The following RNF207 variants were observed in gnomAD, a reference collection of about 807,000 sequenced individuals.
The protein encoded by RNF207 is OTTHUMG00000001089.
A neutral mutation model predicts 79.0 loss-of-function variants in RNF207; 72 were observed. The ratio of observed to expected loss-of-function variants is 0.91; its 90% CI spans 0.75 to 1.11. RNF207 has a LOEUF of 1.11. RNF207 is among the 50% of genes least tolerant of loss of function. RNF207 has a pLI of 0.00. For missense variants in RNF207, 936 were observed against 855.8 expected (o/e 1.09, Z -1.17); for synonymous variants, 348 against 366.2 (o/e 0.95, Z 0.57).
In RNF207 at chr1:6,210,363, C is replaced by T. The variant is rs761843305; in HGVS notation, c.874-7C>T. The T allele has an allele frequency of 3.1e-6, 5 of 1,611,792 alleles. No individual in the cohort carries two copies. The highest frequency in any genetic ancestry group is 4.2e-6 in the Non-Finnish European group (5 of 1,179,532). On this transcript the variant is annotated splice_region_variant and splice_polypyrimidine_tract_variant and intron_variant, in intron 9 of 17. Coordinates refer to ENST00000377939, the MANE Select transcript of RNF207 (RefSeq NM_207396.3). ...GGCCAGGCACTGAGCAGCATCCCCT[C>T]CCCCAGGTCCACCTGGTCATCTGCT...
chr1:6,210,798 C>T, intron 10 of RNF207, 72 bp from the exon 11 acceptor site: 2 of 1,345,354 alleles, frequency 1.5e-6, no homozygotes, highest in Non-Finnish European at 2.1e-6. Flanking sequence ...ACGTGCTCCG[C>T]CTCCATCTCC....
Position 6,207,401 on chromosome 1 carries a change from C to T in RNF207, c.214C>T (p.Pro72Ser), listed in dbSNP as rs202240787. Reference protein sequence around the residue: ...LCQHQTVLKGPSGLPPVDRLL... With the variant: ...LCQHQTVLKGSSGLPPVDRLL... ...CAGACACCAGACGGTGCTGAAGGGT[C>T]CCAGCGGGCTCCCGCCGGTGGACCG... The change falls in exon 3 of 18, where the codon CCC becomes TCC. Residue 72 changes from proline to serine, a missense_variant. Physicochemically the swap from Pro to Ser is moderately conservative, Grantham distance 74. Transcript: ENST00000377939. This position sits in a 1 kb window ranked among gnomAD's most constrained non-coding sequence, Gnocchi z 4.5. The T allele has an allele frequency of 2.5e-5, 39 of 1,545,408 alleles. No homozygotes were observed. The East Asian group carries it at 7.2e-4, about 29-fold the overall frequency.
intron 16 of RNF207, among the ~76,000 whole-genome samples, chr1:6,215,661 G>A (rs906914934): frequency 3.3e-5 from 5 of 151,652 alleles, no homozygotes; most frequent in Non-Finnish European, 7.4e-5. Flanking sequence ...CTTTTTGCTT[G>A]TGAAGGTCTT....
At position 6,208,922 on chromosome 1, in the gene RNF207, C is replaced by T; in HGVS notation, c.366C>T (p.Pro122=). The T allele has an allele frequency of 6.5e-7, 1 of 1,534,778 alleles. No homozygotes were observed. The highest frequency in any genetic ancestry group is 8.7e-7 in the Non-Finnish European group (1 of 1,145,622). The change falls in exon 4 of 18, where the codon CCC becomes CCT. Residue 122 remains proline (P), a synonymous_variant. Coordinates refer to ENST00000377939, the MANE Select transcript of RNF207 (RefSeq NM_207396.3). ...ACTTCTGCAACACGTGCGGACAGCC[C>T]CTATGCGCGCGCTGCCGCGACGAGA... ...TTYFCNTCGQ[P]LCARCRDETH...
rs199527769 is a variant in RNF207, at chr1:6,212,704, G to A, written c.1505G>A (p.Arg502Gln). Residue 502 changes from arginine to glutamine, a missense_variant, in exon 15 of 18, where the codon CGA (arginine) becomes CAA (glutamine). By Grantham distance (43) the Arg-to-Gln change is conservative. Coordinates refer to ENST00000377939, the MANE Select transcript of RNF207 (RefSeq NM_207396.3). ...CAGATTTGGGAGGAAGCCTATCAGC[G>A]AGTGGCTAATGAGCAGGAGATTTAT... ...FQEIWEEAYQRVANEQEIYEA... is the reference protein window; with the variant it reads ...FQEIWEEAYQQVANEQEIYEA... 65 of 1,613,760 alleles carry A rather than the reference G, an allele frequency of 4.0e-5. No homozygotes were observed. The highest frequency in any genetic ancestry group is 2.4e-4 in the African/African-American group (18 of 74,886).
chr1:6,215,604 A>T (rs1668337047), intron 16 of RNF207, among the ~76,000 whole-genome samples: 1 of 151,732 alleles, frequency 6.6e-6, no homozygotes, highest in African/African-American at 2.4e-5. Context: ...CTAATAGTTT[A>T]TTTTTTCCTT....
In RNF207 at chr1:6,209,474, G is replaced by T; in HGVS notation, c.688G>T (p.Glu230Ter). ...CATCGCGCTGCTGCAGGCCATGGTG[G>T]AGGAGGTGCGGCACAGCGCCGCCGA... ...EAIALLQAMV[E>*]EVRHSAAEEE... The change falls in exon 7 of 18, where the codon GAG (glutamate) becomes TAG (stop). Residue 230 changes from glutamate to a stop codon, truncating the protein, a stop_gained. Coordinates refer to ENST00000377939, the MANE Select transcript of RNF207 (RefSeq NM_207396.3). LOFTEE classifies it high-confidence loss of function. The T allele has an allele frequency of 6.7e-7, 1 of 1,498,052 alleles. No individual in the cohort carries two copies. 92.8% of individuals were successfully genotyped at this position (1,498,052 alleles called of 1,614,324 possible). A position where few individuals can be genotyped will look rare whatever the true frequency, so the allele number is the denominator to read the frequency against.
At chr1:6,214,970 T>A (rs1469436535) in intron 16 of RNF207, among the ~76,000 whole-genome samples, 1 of 151,380 alleles carries the variant, frequency 6.6e-6, no homozygotes, top group Non-Finnish European at 1.5e-5. Context: ...TTTTTGGAAT[T>A]CCTATTGTTG....
In RNF207 at chr1:6,218,357, C is replaced by G. The variant is rs749861364; in HGVS notation, c.1721C>G (p.Ala574Gly). 6.2e-7 allele frequency: 1 copy of G among 1,612,738 alleles called. No individual in the cohort carries two copies. The highest frequency in any genetic ancestry group is 2.2e-5 in the East Asian group (1 of 44,868). ...ACGCACGACGACAGCAGGAACAACG[C>G]GGCCTCAGCCAGGTAAAGCAAGTCT... is the stretch of plus-strand genomic sequence containing the variant. ...QNTHDDSRNN[A>G]ASARNNPGSV... The change falls in exon 17 of 18, where the codon GCG becomes GGG. Residue 574 changes from alanine to glycine, a missense_variant. Physicochemically the swap from Ala to Gly is moderately conservative, Grantham distance 60. Coordinates refer to ENST00000377939, the MANE Select transcript of RNF207 (RefSeq NM_207396.3).
In RNF207 at chr1:6,210,386, G is replaced by C; in HGVS notation, c.890G>C (p.Cys297Ser). 2 of 1,613,806 alleles carry C rather than the reference G, an allele frequency of 1.2e-6. No individual in the cohort carries two copies. The highest frequency in any genetic ancestry group is 2.2e-5 in the South Asian group (2 of 91,056). ...LPTLQVHLVI[C>S]SSFLSLANKA... ...CTCCCCCAGGTCCACCTGGTCATCT[G>C]CTCCTCCTTCCTCAGCTTGGCCAAC... The change falls in exon 10 of 18, where the codon TGC becomes TCC. Residue 297 changes from cysteine (C) to serine (S), a missense_variant. Physicochemically the swap from Cys to Ser is moderately radical, Grantham distance 112 (BLOSUM62 -1). Coordinates refer to ENST00000377939, the MANE Select transcript of RNF207 (RefSeq NM_207396.3).
Position 6,219,556 on chromosome 1 carries a change from A to G in RNF207, c.*149A>G, listed in dbSNP as rs11121500. ...TGCCCAGGCTGGAGTGTAATGGTGCAATCTCGGCTCACTGCAACCTCTGCC... is the reference window on the plus strand; with the variant it reads ...TGCCCAGGCTGGAGTGTAATGGTGCGATCTCGGCTCACTGCAACCTCTGCC... On this transcript the variant is annotated 3_prime_UTR_variant, in exon 18 of 18. Coordinates refer to ENST00000377939, the MANE Select transcript of RNF207 (RefSeq NM_207396.3). The G allele has an allele frequency of 0.13, 63,535 of 502,892 alleles. 10,418 individuals carry two copies. The highest frequency in any genetic ancestry group is 0.58 in the African/African-American group (30,000 of 51,342). 31.2% of individuals were successfully genotyped at this position (502,892 alleles called of 1,614,324 possible). A position where few individuals can be genotyped will look rare whatever the true frequency, so the allele number is the denominator to read the frequency against.
intron 4 of RNF207, 40 bp downstream of exon 4, chr1:6,209,065 G>GGGGGGGCCCC: frequency 1.2e-6 from 1 of 828,572 alleles, no homozygotes. Context: ...GGGGGTGGGG[G>GGGGGGGCCCC]CGGGGCGGGC....
At position 6,210,296 on chromosome 1, in the gene RNF207, G is replaced by A; in HGVS notation, c.873+1G>A. ...GGCCACCTTGCTGCCCACCCTGCAG[G>A]TACAGGGAGCTCGGGGTGCGGGTGG... is the stretch of plus-strand genomic sequence containing the variant. On this transcript the variant is annotated splice_donor_variant, in intron 9 of 17. Transcript: ENST00000377939. LOFTEE classifies it high-confidence loss of function. The A allele has an allele frequency of 6.2e-7, 1 of 1,613,620 alleles. No individual in the cohort carries two copies. Among genetic ancestry groups the A allele is most frequent in the Non-Finnish European group, 8.5e-7 (1 of 1,179,740 alleles).
intron 16 of RNF207, among the ~76,000 whole-genome samples, chr1:6,214,829 G>C (rs1223399106): frequency 6.7e-6 from 1 of 150,316 alleles, no homozygotes; most frequent in African/African-American, 2.5e-5. Flanking sequence ...AGAGACGGGG[G>C]TTTCACCATG....
intron 16 of RNF207, among the ~76,000 whole-genome samples, chr1:6,214,040 G>A (rs1374286394): frequency 6.6e-6 from 1 of 152,154 alleles, no homozygotes; most frequent in Non-Finnish European, 1.5e-5. Flanking sequence ...TGAAGGAGGT[G>A]CATGTTTGGG....
chr1:6,207,505 C>T lies in RNF207; in HGVS notation c.318C>T (p.Ser106=). Residue 106 remains serine, a synonymous_variant, in exon 3 of 18, where the codon AGC becomes AGT. Transcript: ENST00000377939. The surrounding 1 kb of genome is among the most constrained non-coding windows in gnomAD (Gnocchi z 4.5). The stretch of plus-strand genomic sequence containing the variant: ...GTGCCAACTGTGACCTGGAGTGCAG[C>T]GAGCAGGCAGGGGCGGCAGGGCGGG... ...VRCANCDLEC[S]EQDVETTYFC... 2.5e-6 allele frequency: 4 copies of T among 1,601,734 alleles called. No homozygotes were observed. Among genetic ancestry groups the T allele is most frequent in the Middle Eastern group, 3.3e-4 (2 of 6,044 alleles).
Position 6,220,224 on chromosome 1 carries a change from G to A in RNF207, c.*817G>A, listed in dbSNP as rs1336810061. ...CGTGTTTGCATGGCATGAAGTCTTC[G>A]TCCTTGTCACAGTAGCTTGGGATGA... On this transcript the variant is annotated 3_prime_UTR_variant, in exon 18 of 18. Transcript: ENST00000377939. The A allele has an allele frequency of 1.3e-5, 2 of 152,178 alleles. No individual in the cohort carries two copies. Among genetic ancestry groups the A allele is most frequent in the African/African-American group, 4.8e-5 (2 of 41,436 alleles). The allele number at this position is 152,178 out of a possible 1,614,324, so 9.4% of individuals were successfully genotyped here.
At chr1:6,218,473 G>A (rs2100948641) in intron 17 of RNF207, 104 bp downstream of exon 17, 1 of 848,680 alleles carries the variant, frequency 1.2e-6, no homozygotes, top group South Asian at 1.6e-5. Flanking sequence ...CGCCAGCTCT[G>A]GGGCCCTGGC....
intron 16 of RNF207, among the ~76,000 whole-genome samples, chr1:6,214,630 CTTTTTTTTTTT>C (rs144139448): frequency 1.4e-5 from 1 of 70,660 alleles, no homozygotes; most frequent in Non-Finnish European, 2.6e-5. Context: ...ATATTTCTTT[CTTTTTTTTTTT>C]TTTTTTTTTT....
Sources: allele counts gnomAD v4.1 joint callset (sites outside exome capture counted in the v4.1 genomes callset), GRCh38; gene constraint gnomAD v4.1.1; non-coding constraint Gnocchi (gnomAD v3.1); transcripts MANE v1.5; gene names NCBI Gene and HGNC (gene_info 2026-07-23, HGNC 2026-07-21).